IPPK: variants seen among roughly 807,000 people sequenced by gnomAD.
IPPK encodes the protein IPK1 homolog.
Under a neutral mutation model 64.6 loss-of-function variants are expected in IPPK, and 22 were observed. That is an observed-to-expected ratio of 0.34 (90% CI 0.24 to 0.49). The LOEUF (loss-of-function observed/expected upper bound fraction) is 0.49, where lower values mean the gene tolerates loss of function less well. IPPK is among the 20% of genes least tolerant of loss of function. IPPK has a pLI of 0.99. For synonymous variants in IPPK, 262 were observed against 247.2 expected, an observed-to-expected ratio of 1.06 and a Z score of -0.56; for missense variants, 532 against 630.7, an observed-to-expected ratio of 0.84 and a Z score of 1.68.
At chr9:92,664,512 C>T (rs1302006718) in intron 1 of IPPK, among the ~76,000 whole-genome samples, 1 of 152,120 alleles carries the variant, frequency 6.6e-6, no homozygotes, top group Non-Finnish European at 1.5e-5. Flanking sequence ...AGGACTGAAG[C>T]AGGCACAGGT....
At chr9:92,652,544 A>C in intron 4 of IPPK, 29 bp downstream of exon 4, 1 of 1,250,310 alleles carries the variant, frequency 8.0e-7, no homozygotes, top group Non-Finnish European at 1.1e-6. Flanking sequence ...TTAAATTACA[A>C]ACAATATCTG....
intron 8 of IPPK, among the ~76,000 whole-genome samples, chr9:92,639,035 A>C (rs983010554): frequency 6.6e-6 from 1 of 152,120 alleles, no homozygotes; most frequent in African/African-American, 2.4e-5. Flanking sequence ...AACCTTATTT[A>C]TTTCTTTTTA....
intron 11 of IPPK, among the ~76,000 whole-genome samples, chr9:92,626,672 A>T (rs370175092): frequency 6.6e-6 from 1 of 152,232 alleles, no homozygotes; most frequent in East Asian, 1.9e-4. Context: ...AGAATTTTCC[A>T]GAACTAATAA....
At position 92,658,631 on chromosome 9, in the gene IPPK, T is replaced by C. The variant is rs899220254; in HGVS notation, c.129+3A>G. 3 of 1,613,160 alleles carry C rather than the reference T, an allele frequency of 1.9e-6. No individual in the cohort carries two copies. The highest frequency in any genetic ancestry group is 2.5e-6 in the Non-Finnish European group (3 of 1,179,224). On this transcript the variant is annotated splice_donor_region_variant and intron_variant, in intron 2 of 12. Transcript: ENST00000287996. ...AGTCTGGGTGCAAACCCACCCATCT[T>C]ACCTTCTTCCTATTTGGAGGAAACT...
chr9:92,622,607 A>AAT (rs61050099), intron 11 of IPPK, among the ~76,000 whole-genome samples: 26,781 of 150,820 alleles, frequency 0.18, 3,371 homozygotes, highest in East Asian at 0.66. Context: ...TTATCAGAAT[A>AAT]ATATATATAT....
intron 9 of IPPK, 108 bp downstream of exon 9, chr9:92,637,893 C>T: frequency 8.0e-7 from 1 of 1,243,162 alleles, no homozygotes; most frequent in Non-Finnish European, 1.1e-6. Context: ...GGTGGCATCC[C>T]CCAGAGCCCC....
chr9:92,634,840 GAC>G (rs978123278), intron 10 of IPPK, among the ~76,000 whole-genome samples: 1 of 152,236 alleles, frequency 6.6e-6, no homozygotes, highest in Non-Finnish European at 1.5e-5. Context: ...AGGCTGGGCT[GAC>G]ACAGAACGAC....
Position 92,635,103 on chromosome 9 carries a change from C to G in IPPK, c.1067+55G>C. 2.6e-6 allele frequency: 4 copies of G among 1,522,196 alleles called. No individual in the cohort carries two copies. The South Asian group carries it at 5.0e-5, about 19-fold the overall frequency. The allele number at this position is 1,522,196 out of a possible 1,614,324, so 94.3% of individuals were successfully genotyped here. A position where few individuals can be genotyped will look rare whatever the true frequency, so the allele number is the denominator to read the frequency against. ...CTTGGGAGGCGCATTCTTACCCTGCCCACTCCCACAGTCTCCTCTCAGGGC... is the reference window on the plus strand; with the variant it reads ...CTTGGGAGGCGCATTCTTACCCTGCGCACTCCCACAGTCTCCTCTCAGGGC... On this transcript the variant is annotated intron_variant, in intron 10 of 12. Transcript: ENST00000287996. This position sits in a 1 kb window ranked among gnomAD's most constrained non-coding sequence, Gnocchi z 4.4.
chr9:92,669,744 G>GT (rs1852686209), intron 1 of IPPK, among the ~76,000 whole-genome samples, 164 bp downstream of exon 1: 1 of 141,052 alleles, frequency 7.1e-6, no homozygotes, highest in African/African-American at 2.5e-5. Flanking sequence ...CCAAGCGGTA[G>GT]GGGGGGATGC....
chr9:92,619,680 G>C, intron 11 of IPPK, 115 bp from the exon 12 acceptor site: 3 of 967,828 alleles, frequency 3.1e-6, no homozygotes, highest in Non-Finnish European at 3.2e-6. Context: ...GAACCTGAGG[G>C]TGGGATTAGG....
chr9:92,658,122 G>A (rs1484210099), intron 2 of IPPK, among the ~76,000 whole-genome samples: 1 of 152,198 alleles, frequency 6.6e-6, no homozygotes, highest in Admixed American at 6.5e-5. Context: ...ACAGAAAGCT[G>A]CAACTCAGTG....
At chr9:92,669,638 C>G (rs1257427072) in intron 1 of IPPK, among the ~76,000 whole-genome samples, 2 of 151,790 alleles carry the variant, frequency 1.3e-5, no homozygotes, top group Non-Finnish European at 2.9e-5. Context: ...TGACGGGGAA[C>G]GGGAATACTG....
At chr9:92,630,920 A>G (rs1196405160) in intron 11 of IPPK, among the ~76,000 whole-genome samples, 1 of 151,774 alleles carries the variant, frequency 6.6e-6, no homozygotes, top group African/African-American at 2.4e-5. Flanking sequence ...CACAGAGGTC[A>G]AAAAACTATG....
At chr9:92,618,244 T>G (rs1332217223) in intron 12 of IPPK, 2 of 456,558 alleles carry the variant, frequency 4.4e-6, no homozygotes, top group Admixed American at 2.3e-5. Context: ...ATGGTTCCAG[T>G]GCCTACACCC....
Position 92,658,699 on chromosome 9 carries a change from A to G in IPPK, c.82-18T>C. The G allele has an allele frequency of 6.2e-7, 1 of 1,612,808 alleles. No homozygotes were observed. The highest frequency in any genetic ancestry group is 1.1e-5 in the South Asian group (1 of 90,988). The stretch of plus-strand genomic sequence containing the variant: ...ACGCAGCGCTGTTGGAAAATAAAAC[A>G]AATCTGATTAGTATTTGCTCAAAGC... On this transcript the variant is annotated intron_variant, in intron 1 of 12. Transcript: ENST00000287996.
chr9:92,618,641 A>G, intron 12 of IPPK: 1 of 444,274 alleles, frequency 2.3e-6, no homozygotes, highest in Non-Finnish European at 4.6e-6. Flanking sequence ...TCCTTAGGGG[A>G]TAACAGGAGT....
intron 11 of IPPK, among the ~76,000 whole-genome samples, chr9:92,625,855 T>A (rs1179494854): frequency 6.6e-6 from 1 of 151,780 alleles, no homozygotes; most frequent in African/African-American, 2.4e-5. Flanking sequence ...TAGATTAAGA[T>A]CAAACAAATC....
chr9:92,640,579 G>A (rs1207305875), intron 8 of IPPK, 131 bp downstream of exon 8: 1 of 721,194 alleles, frequency 1.4e-6, no homozygotes, highest in Non-Finnish European at 2.5e-6. Context: ...AACCAGTCAG[G>A]GCATGAGGAC....
At chr9:92,623,230 C>T (rs936998321) in intron 11 of IPPK, among the ~76,000 whole-genome samples, 1 of 152,024 alleles carries the variant, frequency 6.6e-6, no homozygotes, top group Admixed American at 6.6e-5. Flanking sequence ...GTCAGGAGAT[C>T]GAGACCATCC....
Sources: allele counts gnomAD v4.1 joint callset (sites outside exome capture counted in the v4.1 genomes callset), GRCh38; gene constraint gnomAD v4.1.1; non-coding constraint Gnocchi (gnomAD v3.1); transcripts MANE v1.5; gene names NCBI Gene and HGNC (gene_info 2026-07-23, HGNC 2026-07-21).